Variants in MINDY2 observed in about 807,000 individuals in gnomAD.
The protein encoded by MINDY2 is ubiquitin carboxyl-terminal hydrolase MINDY-2.
A neutral mutation model predicts 68.2 loss-of-function variants in MINDY2; 52 were observed. The ratio of observed to expected loss-of-function variants is 0.76; its 90% CI spans 0.61 to 0.96. The LOEUF is 0.96. Ranked by LOEUF, MINDY2 falls within the 40% of genes least tolerant of loss-of-function variation. The pLI, the probability that MINDY2 is intolerant of heterozygous loss-of-function variation, is 0.00. For missense variants in MINDY2, 881 were observed against 773.4 expected (o/e 1.14, Z -1.65); for synonymous variants, 372 against 303.0 (o/e 1.23, Z -2.36).
rs368821954 is a variant in MINDY2 at position 58,771,544 on chromosome 15, G to A, written c.149G>A (p.Gly50Asp). ...GGGGTATGGGCGGCGGAGACCAGCG[G>A]CGGGAATGGGCTGGGGGCGGCGGCC... is the stretch of plus-strand genomic sequence containing the variant. ...GPGVWAAETS[G>D]GNGLGAAAAR... Residue 50 changes from glycine (G) to aspartate (D), a missense_variant, in exon 1 of 9, where the codon GGC becomes GAC. By Grantham distance (94) the Gly-to-Asp change is moderately conservative. Transcript: ENST00000559228. The A allele has an allele frequency of 1.2e-6, 2 of 1,611,350 alleles. No individual in the cohort carries two copies. Among genetic ancestry groups the A allele is most frequent in the African/African-American group, 1.3e-5 (1 of 74,842 alleles).
intron 1 of MINDY2, among the ~76,000 whole-genome samples, chr15:58,772,483 A>G (rs763076924): frequency 4.6e-5 from 7 of 152,236 alleles, no homozygotes; most frequent in Non-Finnish European, 7.3e-5. Flanking sequence ...TGGTTGATAC[A>G]CTTAGAAACA....
In MINDY2 at chr15:58,854,800, TG is replaced by T; in HGVS notation, c.*192del. On this transcript the variant is annotated 3_prime_UTR_variant, in exon 9 of 9. Coordinates refer to ENST00000559228, the MANE Select transcript of MINDY2 (RefSeq NM_001040450.3). ...GTCACACAATACACTCTTTATGAGC[TG>T]GAGTTTCATGTTACAAGTTGGAAAT... 1 of 452,390 alleles carries T rather than the reference TG, an allele frequency of 2.2e-6. No homozygotes were observed. The allele number at this position is 452,390 out of a possible 1,614,324, so 28.0% of individuals were successfully genotyped here.
chr15:58,825,327 T>A (rs917001763), intron 5 of MINDY2, among the ~76,000 whole-genome samples: 2 of 152,214 alleles, frequency 1.3e-5, no homozygotes, highest in African/African-American at 4.8e-5. Context: ...TGCAGAACTT[T>A]TACTTTACGT....
At chr15:58,780,499 G>A (rs755785293) in intron 1 of MINDY2, among the ~76,000 whole-genome samples, 1 of 152,190 alleles carries the variant, frequency 6.6e-6, no homozygotes, top group East Asian at 1.9e-4. Context: ...TCTCACTCAG[G>A]ATGTTTGATT....
chr15:58,853,507 G>A (rs541350882), intron 8 of MINDY2, among the ~76,000 whole-genome samples: 3 of 151,804 alleles, frequency 2.0e-5, no homozygotes, highest in Admixed American at 1.3e-4. Context: ...AATTCTCAGG[G>A]GTTCTTTTCT....
At chr15:58,850,601 T>C (rs2032764557) in intron 7 of MINDY2, among the ~76,000 whole-genome samples, 1 of 152,224 alleles carries the variant, frequency 6.6e-6, no homozygotes, top group African/African-American at 2.4e-5. Context: ...TATTTATTTA[T>C]ATATGAAACA....
intron 1 of MINDY2, among the ~76,000 whole-genome samples, chr15:58,780,296 C>T (rs1030342760): frequency 1.3e-5 from 2 of 151,682 alleles, no homozygotes; most frequent in African/African-American, 2.4e-5. Flanking sequence ...CCCAGCTACT[C>T]GGGAGGCTGA....
intron 3 of MINDY2, among the ~76,000 whole-genome samples, chr15:58,807,584 C>G (rs1057021066): frequency 6.6e-6 from 1 of 151,972 alleles, no homozygotes; most frequent in Non-Finnish European, 1.5e-5. Flanking sequence ...AGGATGGTCT[C>G]GATCTCCTGA....
chr15:58,848,205 G>C (rs1365881754), intron 7 of MINDY2, among the ~76,000 whole-genome samples: 1 of 151,828 alleles, frequency 6.6e-6, no homozygotes, highest in South Asian at 2.1e-4. Context: ...GCAAAAATAT[G>C]GTCATGTTAA....
chr15:58,826,742 G>A (rs550728974), intron 5 of MINDY2, among the ~76,000 whole-genome samples: 2 of 152,064 alleles, frequency 1.3e-5, no homozygotes, highest in African/African-American at 4.8e-5. Context: ...TCCCAGTAAT[G>A]CCCCTAATAG....
At chr15:58,841,007 AC>A (rs2032254665) in intron 6 of MINDY2, among the ~76,000 whole-genome samples, 1 of 144,448 alleles carries the variant, frequency 6.9e-6, no homozygotes, top group African/African-American at 2.6e-5. Flanking sequence ...TGTGTGAGAC[AC>A]TTTCATTCTG....
chr15:58,844,290 G>T lies in MINDY2; in HGVS notation c.1369-3007G>T, dbSNP rs190376952. 6.8e-4 allele frequency among the ~76,000 whole-genome samples: 103 copies of T among 152,306 alleles called. 3 individuals carry two copies. The East Asian group carries it at 0.018, about 26-fold the overall frequency. On this transcript the variant is annotated intron_variant, in intron 6 of 8. Coordinates refer to ENST00000559228, the MANE Select transcript of MINDY2 (RefSeq NM_001040450.3). ...TGGCCGGGCACGGTGGCTCACGCCT[G>T]TAATCCCAGCACTTTGGGAGGCCGA...
intron 6 of MINDY2, among the ~76,000 whole-genome samples, chr15:58,837,850 T>C (rs1459108144): frequency 4.6e-5 from 7 of 150,666 alleles, no homozygotes; most frequent in Non-Finnish European, 1.5e-5. Flanking sequence ...GTGCCCATAG[T>C]CCCAGCTCTT....
At chr15:58,773,306 T>C (rs1013702402) in intron 1 of MINDY2, among the ~76,000 whole-genome samples, 19 of 152,142 alleles carry the variant, frequency 1.2e-4, no homozygotes, top group Non-Finnish European at 2.6e-4. Context: ...AAAAATAACC[T>C]GGATTCTTCT....
rs146752527 is a variant in MINDY2 at position 58,818,450 on chromosome 15, C to T, written c.1123-3267C>T. Among the ~76,000 whole-genome samples the T allele has an allele frequency of 8.2e-3, 1,247 of 151,906 alleles. 14 individuals carry two copies. The highest frequency in any genetic ancestry group is 0.029 in the African/African-American group (1,190 of 41,430). On this transcript the variant is annotated intron_variant, in intron 4 of 8. Transcript: ENST00000559228. ...TTTTTATTTTTTGTGAAGACAGGGC[C>T]TTGTTATGTTGCCTAGGATGGTCTC...
Position 58,802,300 on chromosome 15 carries a change from T to TC in MINDY2, c.899-13_899-12insC. 6.4e-7 allele frequency: 1 copy of TC among 1,557,316 alleles called. No individual in the cohort carries two copies. The highest frequency in any genetic ancestry group is 8.7e-7 in the Non-Finnish European group (1 of 1,151,952). ...TAAAAGGCAATTTTACAATTCTTTT[T>TC]TTTTTTTTACAGGAGATTACATGCT... On this transcript the variant is annotated splice_polypyrimidine_tract_variant and intron_variant, in intron 2 of 8. Coordinates refer to ENST00000559228, the MANE Select transcript of MINDY2 (RefSeq NM_001040450.3).
chr15:58,828,611 G>T (rs2031546668), intron 5 of MINDY2, among the ~76,000 whole-genome samples: 1 of 144,542 alleles, frequency 6.9e-6, no homozygotes, highest in Non-Finnish European at 1.5e-5. Flanking sequence ...ACCCAGGCTG[G>T]AGTGCAGTGG....
intron 3 of MINDY2, among the ~76,000 whole-genome samples, chr15:58,804,631 C>T (rs1902894900): frequency 6.6e-6 from 1 of 151,982 alleles, no homozygotes; most frequent in African/African-American, 2.4e-5. Flanking sequence ...CATGGCAAAA[C>T]CCTGTCTCTA....
chr15:58,771,602 C>G lies in MINDY2; in HGVS notation c.207C>G (p.Pro69=), dbSNP rs372488999. Residue 69 remains proline (P), a synonymous_variant, in exon 1 of 9, where the codon CCC becomes CCG. Coordinates refer to ENST00000559228, the MANE Select transcript of MINDY2 (RefSeq NM_001040450.3). ...GGAGCCTCCCGGACTCGGCTTCTCCCGCGGGCTCTCCTGAGGTTCCCGGAC... is the reference window on the plus strand; with the variant it reads ...GGAGCCTCCCGGACTCGGCTTCTCCGGCGGGCTCTCCTGAGGTTCCCGGAC... The part of the protein sequence containing the change: ...ARRSLPDSAS[P]AGSPEVPGPC... 1.2e-6 allele frequency: 2 copies of G among 1,611,820 alleles called. No individual in the cohort carries two copies. The highest frequency in any genetic ancestry group is 1.3e-5 in the African/African-American group (1 of 74,904).
Sources: gnomAD v4.1 joint callset for allele counts (sites outside exome capture counted in the v4.1 genomes callset) on GRCh38, gnomAD v4.1.1 for gene constraint, MANE v1.5 for transcripts, NCBI Gene and HGNC (gene_info 2026-07-23, HGNC 2026-07-21) for gene names.